The following CPVL variants were observed in gnomAD, a reference collection of about 807,000 sequenced individuals.
CPVL encodes the protein probable serine carboxypeptidase CPVL.
A neutral mutation model predicts 63.7 loss-of-function variants in CPVL; 51 were observed. That is an observed-to-expected ratio of 0.80 (90% CI 0.64 to 1.01). The LOEUF is 1.01. CPVL is among the 50% of genes least tolerant of loss of function. The pLI is 0.00. For synonymous variants in CPVL, 195 were observed against 206.0 expected, an observed-to-expected ratio of 0.95 and a Z score of 0.46; for missense variants, 530 against 573.1, an observed-to-expected ratio of 0.92 and a Z score of 0.77.
chr7:29,154,819 A>G (rs1428779498), intron 5 of CPVL, among the ~76,000 whole-genome samples: 1 of 152,194 alleles, frequency 6.6e-6, no homozygotes, highest in Non-Finnish European at 1.5e-5. Context: ...TGGGCGACAG[A>G]GTGAGACTCC....
chr7:29,167,970 A>G (rs893763446), intron 5 of CPVL, among the ~76,000 whole-genome samples: 4 of 152,210 alleles, frequency 2.6e-5, no homozygotes, highest in Admixed American at 2.6e-4. Flanking sequence ...CCCTGGGAAC[A>G]TGAGTGATCA....
intron 4 of CPVL, among the ~76,000 whole-genome samples, chr7:29,184,151 T>TGATAGATG (rs1554355223): frequency 1.0e-4 from 15 of 143,322 alleles, no homozygotes; most frequent in African/African-American, 3.9e-4. Flanking sequence ...TACAGATAGA[T>TGATAGATG]GATAGATAGA....
At chr7:29,178,376 C>T (rs1423865282) in intron 5 of CPVL, among the ~76,000 whole-genome samples, 1 of 152,144 alleles carries the variant, frequency 6.6e-6, no homozygotes, top group Non-Finnish European at 1.5e-5. Flanking sequence ...CTGACCTGGT[C>T]TTCCTCTGCG....
chr7:29,097,204 T>C (rs1786526616), intron 3 of CPVL, among the ~76,000 whole-genome samples: 1 of 151,580 alleles, frequency 6.6e-6, no homozygotes, highest in Admixed American at 6.5e-5. Flanking sequence ...GAAAATGAGC[T>C]ACTGGCCGTA....
chr7:29,143,178 A>C (rs1311492193), intron 1 of CPVL, among the ~76,000 whole-genome samples: 1 of 152,190 alleles, frequency 6.6e-6, no homozygotes, highest in Non-Finnish European at 1.5e-5. Context: ...CTTCAACATA[A>C]CTTTTCAAAC....
chr7:29,092,672 T>C lies in CPVL; in HGVS notation c.493A>G (p.Thr165Ala), dbSNP rs572392082. 1.7e-5 allele frequency: 28 copies of C among 1,613,930 alleles called. No individual in the cohort carries two copies. In the South Asian group the frequency reaches 3.0e-4, roughly 17 times the overall value. The change falls in exon 6 of 13, where the codon ACC becomes GCC. Residue 165 changes from threonine (T) to alanine (A), a missense_variant. Transcript: ENST00000265394. ...TCCTCATTGACTGCATATCCGTGGG[T>C]ATCATCAGTAAAACTGAAGCCTGTG... is the stretch of plus-strand genomic sequence containing the variant. ...VGTGFSFTDD[T>A]HGYAVNEDDV...
At chr7:29,093,771 T>C (rs1342918090) in intron 5 of CPVL, among the ~76,000 whole-genome samples, 2 of 152,220 alleles carry the variant, frequency 1.3e-5, no homozygotes, top group African/African-American at 2.4e-5. Flanking sequence ...TTTACTTAAA[T>C]ACACAGTTAT....
intron 3 of CPVL, among the ~76,000 whole-genome samples, chr7:29,100,203 T>G (rs936930222): frequency 5.3e-5 from 8 of 152,170 alleles, no homozygotes; most frequent in Non-Finnish European, 1.2e-4. Context: ...GTCCAACTGA[T>G]TCCAGCGGAT....
chr7:29,171,493 T>C (rs1796597748), intron 5 of CPVL, among the ~76,000 whole-genome samples: 1 of 152,156 alleles, frequency 6.6e-6, no homozygotes, highest in Non-Finnish European at 1.5e-5. Context: ...CGGAGAGGAT[T>C]CTACCCAGAA....
chr7:29,151,300 A>G (rs1793561261), upstream of CPVL, among the ~76,000 whole-genome samples: 1 of 152,248 alleles, frequency 6.6e-6, no homozygotes, highest in East Asian at 1.9e-4. Flanking sequence ...ACAATGTCCA[A>G]ATTAATCTAC....
At chr7:29,030,519 T>A in intron 12 of CPVL, 58 bp downstream of exon 12, 1 of 1,536,240 alleles carries the variant, frequency 6.5e-7, no homozygotes, top group Non-Finnish European at 8.8e-7. Flanking sequence ...ATTCAGGCTT[T>A]ATTTTCAATC....
At chr7:29,096,984 CAAAAAAAAAAAAAA>C (rs1165892123) in intron 3 of CPVL, among the ~76,000 whole-genome samples, 3 of 51,192 alleles carry the variant, frequency 5.9e-5, no homozygotes, top group South Asian at 1.8e-3. Context: ...GACTCTGTCT[CAAAAAAAAAAAAAA>C]AAAAAAAAAA....
chr7:29,031,743 G>A (rs1788039708), intron 11 of CPVL, among the ~76,000 whole-genome samples: 2 of 152,066 alleles, frequency 1.3e-5, no homozygotes, highest in Non-Finnish European at 2.9e-5. Flanking sequence ...TCCTATAATT[G>A]AGTAGGTAAA....
upstream of CPVL, chr7:29,146,620 T>A (rs757908730): frequency 4.5e-6 from 7 of 1,550,428 alleles, no homozygotes; most frequent in African/African-American, 6.8e-5. Flanking sequence ...TGCGTCGTCG[T>A]GTCCCAACCT....
chr7:29,160,495 A>G (rs1795033007), intron 5 of CPVL, among the ~76,000 whole-genome samples: 1 of 152,138 alleles, frequency 6.6e-6, no homozygotes, highest in Non-Finnish European at 1.5e-5. Context: ...TCCCTTTGCC[A>G]CTGAGTGGTC....
intron 7 of CPVL, among the ~76,000 whole-genome samples, chr7:29,078,516 C>A (rs1216624447): frequency 6.6e-6 from 1 of 152,162 alleles, no homozygotes; most frequent in Admixed American, 6.5e-5. Flanking sequence ...CACACTGGGC[C>A]GCAGTCAACA....
chr7:29,030,611 G>C lies in CPVL; in HGVS notation c.1286C>G (p.Ala429Gly). 6.2e-7 allele frequency: 1 copy of C among 1,613,418 alleles called. No homozygotes were observed. Among genetic ancestry groups the C allele is most frequent in the Non-Finnish European group, 8.5e-7 (1 of 1,179,692 alleles). The change falls in exon 12 of 13, where the codon GCT becomes GGT. Residue 429 changes from alanine (A) to glycine (G), a missense_variant. Transcript: ENST00000265394. ...WKIFKSDSEVAGYIRQAGDFH... is the reference protein window; with the variant it reads ...WKIFKSDSEVGGYIRQAGDFH... ...GTCACCCGCTTGCCGGATGTAACCA[G>C]CCACTTCACTGTCAGATTTAAAGAT...
At chr7:29,186,178 A>G (rs1798680511) in intron 2 of CPVL, among the ~76,000 whole-genome samples, 1 of 152,130 alleles carries the variant, frequency 6.6e-6, no homozygotes, top group South Asian at 2.1e-4. Context: ...TGTCCTTGCC[A>G]GGGCCCTTGG....
At chr7:29,189,181 C>G (rs985427907) in intron 1 of CPVL, among the ~76,000 whole-genome samples, 6 of 152,006 alleles carry the variant, frequency 3.9e-5, no homozygotes, top group African/African-American at 1.4e-4. Flanking sequence ...GAACTCCTGA[C>G]CTCAAATGAT....
Sources: gnomAD v4.1 joint callset for allele counts (sites outside exome capture counted in the v4.1 genomes callset) on GRCh38, gnomAD v4.1.1 for gene constraint, MANE v1.5 for transcripts, NCBI Gene and HGNC (gene_info 2026-07-23, HGNC 2026-07-21) for gene names.